The following PPP2R2B variants were observed in gnomAD, a reference collection of about 807,000 sequenced individuals.
The protein encoded by PPP2R2B is protein phosphatase 2 regulatory subunit Bbeta.
Under a neutral mutation model 46.0 loss-of-function variants are expected in PPP2R2B, and 5 were observed. The ratio of observed to expected loss-of-function variants is 0.11; its 90% CI spans 0.06 to 0.23. PPP2R2B has a LOEUF of 0.23. Among genes scored for constraint, PPP2R2B ranks in the 10% least tolerant of loss-of-function variants. The pLI is 1.00. For synonymous variants in PPP2R2B, 215 were observed against 206.7 expected, an observed-to-expected ratio of 1.04 and a Z score of -0.34; for missense variants, 367 against 575.0, an observed-to-expected ratio of 0.64 and a Z score of 3.70.
chr5:146,829,571 T>C (rs927199074), intron 2 of PPP2R2B, among the ~76,000 whole-genome samples: 2 of 152,154 alleles, frequency 1.3e-5, no homozygotes, highest in Non-Finnish European at 2.9e-5. Context: ...TTTAAGGAAG[T>C]TTCTGGCAAA....
intron 1 of PPP2R2B, among the ~76,000 whole-genome samples, chr5:146,949,969 G>A (rs1185056788): frequency 6.6e-6 from 1 of 152,026 alleles, no homozygotes; most frequent in Non-Finnish European, 1.5e-5. Flanking sequence ...ACCAGAGGCT[G>A]GGAAGGGTAG....
chr5:147,074,341 T>C (rs1314998551), intron 2 of PPP2R2B, among the ~76,000 whole-genome samples: 2 of 152,240 alleles, frequency 1.3e-5, no homozygotes, highest in Non-Finnish European at 2.9e-5. Flanking sequence ...CAGGATTCCT[T>C]CTGCCTGAAA....
chr5:146,976,845 G>A (rs1278284756), intron 1 of PPP2R2B, among the ~76,000 whole-genome samples: 1 of 151,852 alleles, frequency 6.6e-6, no homozygotes, highest in African/African-American at 2.4e-5. Context: ...TGAATTTTTA[G>A]ACTACTCCTC....
chr5:146,770,330 CAAAAAAAAAAAAA>C (rs5871992), intron 2 of PPP2R2B, among the ~76,000 whole-genome samples: 3 of 60,060 alleles, frequency 5.0e-5, no homozygotes, highest in African/African-American at 2.4e-4. Flanking sequence ...GATTCCGTCT[CAAAAAAAAAAAAA>C]AAAAAAAAAA....
intron 1 of PPP2R2B, among the ~76,000 whole-genome samples, chr5:146,946,455 T>G (rs966668359): frequency 6.6e-6 from 1 of 152,132 alleles, no homozygotes; most frequent in African/African-American, 2.4e-5. Flanking sequence ...CAAAAGGCAG[T>G]GCAATCAATA....
intron 1 of PPP2R2B, among the ~76,000 whole-genome samples, chr5:146,992,539 C>G (rs1227927220): frequency 6.6e-6 from 1 of 152,176 alleles, no homozygotes; most frequent in African/African-American, 2.4e-5. Flanking sequence ...GTGGTAGCGA[C>G]AGTTCTGACT....
chr5:146,799,757 G>A (rs1434802201), intron 2 of PPP2R2B, among the ~76,000 whole-genome samples: 1 of 152,186 alleles, frequency 6.6e-6, no homozygotes, highest in Non-Finnish European at 1.5e-5. Context: ...CAGATGTTCT[G>A]TTTATAAAAC....
intron 4 of PPP2R2B, among the ~76,000 whole-genome samples, chr5:146,693,120 TCTC>T (rs759573449): frequency 5.7e-4 from 86 of 151,398 alleles, no homozygotes; most frequent in Non-Finnish European, 1.0e-3. Context: ...CCCTTCCCTC[TCTC>T]CTTCCTTCCC....
At chr5:146,651,227 T>A (rs1205784058) in intron 5 of PPP2R2B, among the ~76,000 whole-genome samples, 2 of 152,162 alleles carry the variant, frequency 1.3e-5, no homozygotes, top group South Asian at 4.1e-4. Flanking sequence ...TTTGGGAAAC[T>A]TTAGCATCAC....
chr5:146,633,016 C>T (rs982915761), intron 7 of PPP2R2B, among the ~76,000 whole-genome samples: 5 of 152,080 alleles, frequency 3.3e-5, no homozygotes, highest in South Asian at 2.1e-4. Flanking sequence ...ACCCAGCCAC[C>T]GATACTCATG....
intron 1 of PPP2R2B, among the ~76,000 whole-genome samples, chr5:146,934,319 T>G (rs1439151052): frequency 6.6e-6 from 1 of 151,408 alleles, no homozygotes; most frequent in Non-Finnish European, 1.5e-5. Flanking sequence ...GTGTTCCTAT[T>G]TCTCCACATC....
At chr5:147,066,072 C>T (rs1169590018) in intron 2 of PPP2R2B, among the ~76,000 whole-genome samples, 1 of 152,150 alleles carries the variant, frequency 6.6e-6, no homozygotes. Context: ...TAAGCCTGCT[C>T]TCTTAACTAC....
intron 1 of PPP2R2B, among the ~76,000 whole-genome samples, chr5:146,889,296 G>T (rs1485885598): frequency 6.6e-6 from 1 of 152,120 alleles, no homozygotes; most frequent in Admixed American, 6.5e-5. Flanking sequence ...TTTGTTTAGG[G>T]TGAGGACTGG....
intron 7 of PPP2R2B, among the ~76,000 whole-genome samples, chr5:146,632,526 T>C (rs1364585188): frequency 1.3e-5 from 2 of 152,210 alleles, no homozygotes; most frequent in South Asian, 2.1e-4. Flanking sequence ...CCAGGTGCTA[T>C]GTAAGTATTG....
chr5:146,811,003 C>T (rs755481977), intron 2 of PPP2R2B, among the ~76,000 whole-genome samples: 14 of 151,400 alleles, frequency 9.2e-5, no homozygotes, highest in Admixed American at 2.0e-4. Context: ...GATAGTTTGC[C>T]GAGAATGATG....
chr5:146,676,109 A>G (rs1275552433), intron 5 of PPP2R2B, among the ~76,000 whole-genome samples: 1 of 152,090 alleles, frequency 6.6e-6, no homozygotes, highest in Admixed American at 6.6e-5. Flanking sequence ...GCTGGGGGCT[A>G]GAGGGCAACA....
At chr5:146,941,125 G>A (rs1371500714) in intron 1 of PPP2R2B, among the ~76,000 whole-genome samples, 1 of 152,120 alleles carries the variant, frequency 6.6e-6, no homozygotes, top group Admixed American at 6.6e-5. Context: ...AAATGATTAT[G>A]AGGCTACATG....
chr5:146,808,738 T>C (rs567829043), intron 2 of PPP2R2B, among the ~76,000 whole-genome samples: 237 of 152,324 alleles, frequency 1.6e-3, no homozygotes, highest in African/African-American at 5.3e-3. Context: ...ATTTCCTCTC[T>C]GAAATAAAAC....
chr5:146,865,006 T>C (rs1165258364), intron 2 of PPP2R2B, among the ~76,000 whole-genome samples: 2 of 152,216 alleles, frequency 1.3e-5, no homozygotes, highest in East Asian at 3.8e-4. Context: ...TTTAACCCAG[T>C]AAGCTACTTT....
Sources: allele counts gnomAD v4.1 joint callset (sites outside exome capture counted in the v4.1 genomes callset), GRCh38; gene constraint gnomAD v4.1.1; transcripts MANE v1.5; gene names NCBI Gene and HGNC (gene_info 2026-07-23, HGNC 2026-07-21).